LRCH1: variants seen among roughly 807,000 people sequenced by gnomAD.
LRCH1 encodes the protein leucine-rich repeat and calponin homology domain-containing protein 1.
LRCH1 carries 23 observed loss-of-function variants against 94.9 expected under a neutral mutation model. That is an observed-to-expected ratio of 0.24 (90% CI 0.17 to 0.34). The LOEUF (loss-of-function observed/expected upper bound fraction) is 0.34, where lower values mean the gene tolerates loss of function less well. Among genes scored for constraint, LRCH1 ranks in the 10% least tolerant of loss-of-function variants. The pLI is 1.00. For synonymous variants in LRCH1, 364 were observed against 354.9 expected, an observed-to-expected ratio of 1.03 and a Z score of -0.29; for missense variants, 790 against 945.9, an observed-to-expected ratio of 0.84 and a Z score of 2.16.
intron 1 of LRCH1, among the ~76,000 whole-genome samples, chr13:46,622,496 A>G (rs1356356159): frequency 6.6e-6 from 1 of 152,208 alleles, no homozygotes; most frequent in East Asian, 1.9e-4. Context: ...AGCAGGCATT[A>G]ACTTGCAGAA....
chr13:46,563,714 G>A lies in LRCH1; in HGVS notation c.307+10011G>A, dbSNP rs145062154. On this transcript the variant is annotated intron_variant, in intron 1 of 19. Transcript: ENST00000389797. ...TAGAGTGGGGGCTCAATAACTCCAA[G>A]CAATGCCTTTCTATTGCAACCTGAA... Among the ~76,000 whole-genome samples the A allele has an allele frequency of 1.9e-4, 29 of 152,288 alleles. No individual in the cohort carries two copies. The East Asian group carries it at 5.4e-3, about 28-fold the overall frequency.
At chr13:46,688,793 A>AT (rs1870750057) in intron 6 of LRCH1, among the ~76,000 whole-genome samples, 2 of 152,308 alleles carry the variant, frequency 1.3e-5, no homozygotes, top group African/African-American at 4.8e-5. Context: ...TGGTTTATTA[A>AT]TTTTTTATAT....
downstream of LRCH1, among the ~76,000 whole-genome samples, chr13:46,749,268 A>G (rs1047548024): frequency 6.6e-6 from 1 of 152,354 alleles, no homozygotes; most frequent in South Asian, 2.1e-4. Flanking sequence ...TATTATGCTA[A>G]GTAAAATAAG....
At chr13:46,698,576 TAC>T (rs988010235) in intron 9 of LRCH1, among the ~76,000 whole-genome samples, 1 of 152,182 alleles carries the variant, frequency 6.6e-6, no homozygotes, top group Non-Finnish European at 1.5e-5. Context: ...TTTTCCCCAC[TAC>T]ACACATATGC....
intron 18 of LRCH1, 63 bp downstream of exon 18, chr13:46,729,047 G>T: frequency 6.7e-7 from 1 of 1,496,450 alleles, no homozygotes; most frequent in Non-Finnish European, 9.1e-7. Flanking sequence ...ACTGTTGTTG[G>T]TTTAGGATGT....
chr13:46,748,833 T>A (rs552570518), downstream of LRCH1, among the ~76,000 whole-genome samples: 1 of 152,294 alleles, frequency 6.6e-6, no homozygotes, highest in African/African-American at 2.4e-5. Flanking sequence ...CAGGGGGCCA[T>A]CTCTTAAGGC....
At chr13:46,578,422 G>C (rs1473575917) in intron 1 of LRCH1, among the ~76,000 whole-genome samples, 2 of 152,214 alleles carry the variant, frequency 1.3e-5, no homozygotes, top group Non-Finnish European at 2.9e-5. Flanking sequence ...ATTAATAGCA[G>C]CTGGAGGATC....
Position 46,664,536 on chromosome 13 carries a change from G to A in LRCH1, c.453-4494G>A, listed in dbSNP as rs138476804. On this transcript the variant is annotated intron_variant, in intron 2 of 19. Coordinates refer to ENST00000389797, the MANE Select transcript of LRCH1 (RefSeq NM_001164211.2). ...CTATATCATATAGCCTAGCCATGGA[G>A]TAGGCTAGACACTTAGGTTTGTGTA... 3.6e-3 allele frequency among the ~76,000 whole-genome samples: 541 copies of A among 152,322 alleles called. 8 individuals carry two copies. The highest frequency in any genetic ancestry group is 0.012 in the African/African-American group (517 of 41,564).
At chr13:46,647,884 C>T (rs1200573688) in intron 1 of LRCH1, among the ~76,000 whole-genome samples, 1 of 150,648 alleles carries the variant, frequency 6.6e-6, no homozygotes, top group Non-Finnish European at 1.5e-5. Flanking sequence ...GAAATGCCAC[C>T]TTTATTGCAC....
At chr13:46,711,624 A>T (rs1004978958) in intron 13 of LRCH1, among the ~76,000 whole-genome samples, 167 bp from the exon 14 acceptor site, 1 of 152,212 alleles carries the variant, frequency 6.6e-6, no homozygotes, top group African/African-American at 2.4e-5. Flanking sequence ...TTCAGAACGT[A>T]TGAGTATGGT....
intron 15 of LRCH1, among the ~76,000 whole-genome samples, chr13:46,715,277 TAA>T (rs934288258): frequency 2.0e-5 from 3 of 152,194 alleles, no homozygotes; most frequent in Admixed American, 6.5e-5. Flanking sequence ...ATTAGTACTC[TAA>T]GTCTGTGGGC....
At chr13:46,654,520 A>G (rs1032526802) in intron 2 of LRCH1, among the ~76,000 whole-genome samples, 1 of 152,220 alleles carries the variant, frequency 6.6e-6, no homozygotes, top group African/African-American at 2.4e-5. Flanking sequence ...CACTTTGTAG[A>G]AGAGCTAATC....
intron 19 of LRCH1, among the ~76,000 whole-genome samples, chr13:46,737,897 G>T (rs1873463465): frequency 6.6e-6 from 1 of 152,148 alleles, no homozygotes; most frequent in African/African-American, 2.4e-5. Flanking sequence ...CAGGTTGAGA[G>T]AAATCTAATT....
At chr13:46,633,879 ATT>A (rs796924628) in intron 1 of LRCH1, among the ~76,000 whole-genome samples, 187 of 122,608 alleles carry the variant, frequency 1.5e-3, no homozygotes, top group African/African-American at 5.4e-3. Context: ...CTTTTCCTGC[ATT>A]TTTTTTTTTT....
At chr13:46,677,753 T>C (rs752105741) in intron 3 of LRCH1, among the ~76,000 whole-genome samples, 32 of 152,218 alleles carry the variant, frequency 2.1e-4, no homozygotes, top group Non-Finnish European at 2.6e-4. Context: ...CTCTATTTTG[T>C]TTTTTATCTA....
At chr13:46,584,993 CAG>C (rs535356694) in intron 1 of LRCH1, among the ~76,000 whole-genome samples, 1,913 of 152,248 alleles carry the variant, frequency 0.013, 22 homozygotes, top group South Asian at 0.068. Context: ...AATGAAAGAG[CAG>C]AGAATTCTCA....
chr13:46,622,221 C>A (rs1204345154), intron 1 of LRCH1, among the ~76,000 whole-genome samples: 1 of 150,654 alleles, frequency 6.6e-6, no homozygotes, highest in East Asian at 1.9e-4. Context: ...GGCGAGGTAT[C>A]CTGTATATTC....
intron 13 of LRCH1, among the ~76,000 whole-genome samples, chr13:46,708,276 C>CT (rs10635302): frequency 0.25 from 32,144 of 130,398 alleles, 5,372 homozygotes; most frequent in African/African-American, 0.44. Context: ...TTCATCCCAT[C>CT]TTTTTTTTTT....
chr13:46,565,417 C>T (rs566593307), intron 1 of LRCH1, among the ~76,000 whole-genome samples: 21 of 152,140 alleles, frequency 1.4e-4, no homozygotes, highest in Middle Eastern at 3.4e-3. Flanking sequence ...AATGACTTTC[C>T]TTCGGTTATG....
Sources: gnomAD v4.1 joint callset for allele counts (sites outside exome capture counted in the v4.1 genomes callset) on GRCh38, gnomAD v4.1.1 for gene constraint, MANE v1.5 for transcripts, NCBI Gene and HGNC (gene_info 2026-07-23, HGNC 2026-07-21) for gene names.